CD200R1: variants seen among roughly 807,000 people sequenced by gnomAD.
CD200R1 encodes cell surface glycoprotein CD200 receptor 1.
A neutral mutation model predicts 38.1 loss-of-function variants in CD200R1; 30 were observed. The observed-to-expected ratio is 0.79, with a 90% CI of 0.59 to 1.07. The LOEUF (loss-of-function observed/expected upper bound fraction) is 1.07. Among genes scored for constraint, CD200R1 ranks in the 50% least tolerant of loss-of-function variants. CD200R1 has a pLI of 0.00. For missense variants in CD200R1, 372 were observed against 415.4 expected, an observed-to-expected ratio of 0.90 and a Z score of 0.91; for synonymous variants, 128 against 152.1, an observed-to-expected ratio of 0.84 and a Z score of 1.16.
intron 2 of CD200R1, among the ~76,000 whole-genome samples, chr3:112,931,515 T>C (rs1576128773): frequency 6.6e-6 from 1 of 152,216 alleles, no homozygotes; most frequent in African/African-American, 2.4e-5. Context: ...GGTCCAATTA[T>C]ATCCCTTTCT....
chr3:112,970,239 C>T (rs577220961), intron 1 of CD200R1, among the ~76,000 whole-genome samples: 2 of 152,152 alleles, frequency 1.3e-5, no homozygotes, highest in African/African-American at 4.8e-5. Context: ...TTTGGTATTG[C>T]TTTCCTTAAA....
intron 2 of CD200R1, among the ~76,000 whole-genome samples, chr3:112,931,782 G>A (rs1232742213): frequency 6.6e-6 from 1 of 152,098 alleles, no homozygotes; most frequent in Admixed American, 6.5e-5. Context: ...GCAATAGACA[G>A]CTAAGATTCT....
At chr3:112,945,950 G>A (rs1399329449) in intron 2 of CD200R1, among the ~76,000 whole-genome samples, 1 of 147,134 alleles carries the variant, frequency 6.8e-6, no homozygotes, top group Non-Finnish European at 1.5e-5. Context: ...GAAGAATGGC[G>A]TGAACCCGGG....
At chr3:112,956,966 G>A (rs1021047500) in intron 1 of CD200R1, among the ~76,000 whole-genome samples, 3 of 152,170 alleles carry the variant, frequency 2.0e-5, no homozygotes, top group African/African-American at 7.2e-5. Flanking sequence ...GTGCTGGGGT[G>A]AGTCTGATGT....
At chr3:112,959,478 C>T (rs1202975112) in intron 1 of CD200R1, among the ~76,000 whole-genome samples, 1 of 152,052 alleles carries the variant, frequency 6.6e-6, no homozygotes, top group African/African-American at 2.4e-5. Flanking sequence ...CTTTATAGGA[C>T]TTGGGGCCTC....
chr3:112,974,308 A>G (rs540511702), intron 1 of CD200R1, among the ~76,000 whole-genome samples: 1 of 152,224 alleles, frequency 6.6e-6, no homozygotes, highest in South Asian at 2.1e-4. Flanking sequence ...ATAGTGGCGC[A>G]TATCTGTAGT....
intron 1 of CD200R1, among the ~76,000 whole-genome samples, chr3:112,953,002 C>T (rs1409268839): frequency 6.6e-6 from 1 of 152,126 alleles, no homozygotes; most frequent in East Asian, 1.9e-4. Flanking sequence ...ATGTTGAATA[C>T]AAGCGGCAAG....
intron 1 of CD200R1, among the ~76,000 whole-genome samples, chr3:112,963,190 G>T (rs1933066115): frequency 6.6e-6 from 1 of 152,180 alleles, no homozygotes; most frequent in Non-Finnish European, 1.5e-5. Flanking sequence ...CCAGTCTCAA[G>T]TATGTCTTTA....
chr3:112,949,083 T>C (rs1940923239), intron 1 of CD200R1, among the ~76,000 whole-genome samples: 1 of 152,050 alleles, frequency 6.6e-6, no homozygotes, highest in African/African-American at 2.4e-5. Flanking sequence ...GAAGGGAAAA[T>C]GCAAACAAAA....
chr3:112,963,205 A>C (rs112835759), intron 1 of CD200R1, among the ~76,000 whole-genome samples: 1,594 of 152,312 alleles, frequency 0.01, 38 homozygotes, highest in African/African-American at 0.036. Flanking sequence ...TCTTTATCAG[A>C]AGTGTGAAAA....
intron 2 of CD200R1, among the ~76,000 whole-genome samples, chr3:112,932,459 C>T (rs1940467915): frequency 6.6e-6 from 1 of 152,086 alleles, no homozygotes; most frequent in Non-Finnish European, 1.5e-5. Flanking sequence ...AACCCTAGGC[C>T]AGCTGAGTGT....
At chr3:112,945,795 C>T (rs527612548) in intron 2 of CD200R1, among the ~76,000 whole-genome samples, 144 of 151,900 alleles carry the variant, frequency 9.5e-4, no homozygotes, top group Non-Finnish European at 1.5e-3. Flanking sequence ...TTTGGAAGGC[C>T]GAGGCGGGCG....
At chr3:112,931,648 G>C (rs1460415059) in intron 2 of CD200R1, among the ~76,000 whole-genome samples, 1 of 152,104 alleles carries the variant, frequency 6.6e-6, no homozygotes, top group Non-Finnish European at 1.5e-5. Context: ...ATCCATCTCT[G>C]TTGCTTTCTC....
intron 1 of CD200R1, among the ~76,000 whole-genome samples, chr3:112,960,980 C>A (rs1480455854): frequency 6.6e-6 from 1 of 151,930 alleles, no homozygotes; most frequent in Non-Finnish European, 1.5e-5. Flanking sequence ...TGTTCCGACA[C>A]TTTATGAAAC....
intron 2 of CD200R1, among the ~76,000 whole-genome samples, chr3:112,932,277 G>A (rs1180548098): frequency 6.6e-6 from 1 of 152,098 alleles, no homozygotes; most frequent in African/African-American, 2.4e-5. Context: ...TGGAGCCTGG[G>A]CTCAGGATTG....
chr3:112,953,595 A>AT (rs1255592028), intron 1 of CD200R1, among the ~76,000 whole-genome samples: 1 of 152,126 alleles, frequency 6.6e-6, no homozygotes, highest in East Asian at 1.9e-4. Context: ...CTGATGGATG[A>AT]TTTTTTATTA....
At chr3:112,950,406 A>G (rs542655048) in intron 1 of CD200R1, among the ~76,000 whole-genome samples, 1 of 152,076 alleles carries the variant, frequency 6.6e-6, no homozygotes, top group South Asian at 2.1e-4. Context: ...GTCAAAGAAA[A>G]AAAAAAAAAG....
At chr3:112,969,083 T>C (rs1474207389) in intron 1 of CD200R1, among the ~76,000 whole-genome samples, 1 of 151,902 alleles carries the variant, frequency 6.6e-6, no homozygotes, top group Non-Finnish European at 1.5e-5. Context: ...ATACTCACAA[T>C]GAATGAATAA....
At chr3:112,932,205 G>T (rs902613228) in intron 2 of CD200R1, among the ~76,000 whole-genome samples, 4 of 152,112 alleles carry the variant, frequency 2.6e-5, no homozygotes, top group African/African-American at 7.2e-5. Context: ...AGTACACCGT[G>T]TCCTGGGGAC....
Sources: allele counts gnomAD v4.1 joint callset (sites outside exome capture counted in the v4.1 genomes callset), GRCh38; gene constraint gnomAD v4.1.1; transcripts MANE v1.5; gene names NCBI Gene and HGNC (gene_info 2026-07-23, HGNC 2026-07-21).